The following INSYN2B variants were observed in gnomAD, a reference collection of about 807,000 sequenced individuals.
INSYN2B encodes the protein inhibitory synaptic factor family member 2B.
In INSYN2B, 16 loss-of-function variants were observed where a neutral mutation model predicts 41.2. That is an observed-to-expected ratio of 0.39 (90% confidence interval 0.26 to 0.59). INSYN2B has a LOEUF of 0.59. Among genes scored for constraint, INSYN2B ranks in the 20% least tolerant of loss-of-function variants. The pLI, the probability that INSYN2B is intolerant of heterozygous loss-of-function variation, is 0.57. For synonymous variants in INSYN2B, 245 were observed against 244.4 expected (o/e 1.00, Z -0.02); for missense variants, 608 against 646.4 (o/e 0.94, Z 0.64).
intron 1 of INSYN2B, among the ~76,000 whole-genome samples, chr5:169,905,293 G>GTTT (rs35677067): frequency 4.8e-5 from 7 of 146,202 alleles, no homozygotes; most frequent in South Asian, 4.3e-4. Context: ...TAGAGCCAGT[G>GTTT]TTTTTTTTTT....
chr5:169,894,243 A>T (rs1773462649), intron 1 of INSYN2B, among the ~76,000 whole-genome samples: 1 of 152,202 alleles, frequency 6.6e-6, no homozygotes, highest in Admixed American at 6.5e-5. Flanking sequence ...CCCAAGATGA[A>T]GGTGGTCTGG....
chr5:169,886,680 G>T (rs940249950), intron 1 of INSYN2B, among the ~76,000 whole-genome samples: 5 of 152,208 alleles, frequency 3.3e-5, no homozygotes, highest in Admixed American at 2.6e-4. Context: ...GTTGAAATTT[G>T]TGAGATGGTC....
chr5:169,883,255 T>G lies in INSYN2B; in HGVS notation c.644A>C (p.Glu215Ala). 1 of 1,551,628 alleles carries G rather than the reference T, an allele frequency of 6.4e-7. No individual in the cohort carries two copies. Among genetic ancestry groups the G allele is most frequent in the Non-Finnish European group, 8.7e-7 (1 of 1,146,968 alleles). ...PDDIYHSPSWEARESALSPDR... is the reference protein window; with the variant it reads ...PDDIYHSPSWAARESALSPDR... Reference sequence around the variant, plus strand: ...TGGGCTGAGAGCAGACTCTCTAGCTTCCCAGGAAGGACTGTGATAAATATC... The same window carrying G: ...TGGGCTGAGAGCAGACTCTCTAGCTGCCCAGGAAGGACTGTGATAAATATC... Residue 215 changes from glutamate (E) to alanine (A), a missense_variant, in exon 2 of 4, where the codon GAA (glutamate) becomes GCA (alanine). Glu to Ala is a moderately radical substitution (Grantham distance 107). Transcript: ENST00000377365.
intron 1 of INSYN2B, among the ~76,000 whole-genome samples, chr5:169,960,737 A>G (rs1478167713): frequency 2.0e-5 from 3 of 152,208 alleles, no homozygotes; most frequent in Admixed American, 1.3e-4. Context: ...ACTTGCAGTT[A>G]ATTGTGGTCC....
chr5:169,948,289 C>A (rs568601794), intron 1 of INSYN2B, among the ~76,000 whole-genome samples: 1 of 135,414 alleles, frequency 7.4e-6, no homozygotes, highest in Admixed American at 7.0e-5. Flanking sequence ...GGATTCAGAA[C>A]GTTTTTTAAA....
At chr5:169,890,171 C>T (rs976168272) in intron 1 of INSYN2B, among the ~76,000 whole-genome samples, 2 of 152,244 alleles carry the variant, frequency 1.3e-5, no homozygotes, top group Non-Finnish European at 2.9e-5. Flanking sequence ...GACCCCGACT[C>T]TTCCTCCATT....
intron 3 of INSYN2B, among the ~76,000 whole-genome samples, chr5:169,881,064 C>T (rs914009003): frequency 6.6e-6 from 1 of 152,074 alleles, no homozygotes; most frequent in African/African-American, 2.4e-5. Context: ...TCTGTGTGAG[C>T]GAGACCGAAT....
chr5:169,907,405 G>T (rs996967458), intron 1 of INSYN2B, among the ~76,000 whole-genome samples: 1 of 152,202 alleles, frequency 6.6e-6, no homozygotes, highest in Non-Finnish European at 1.5e-5. Context: ...TTTACTCTCT[G>T]CTGGGTTTAA....
chr5:169,936,260 C>A, intron 1 of INSYN2B, among the ~76,000 whole-genome samples: 1 of 152,164 alleles, frequency 6.6e-6, no homozygotes, highest in Non-Finnish European at 1.5e-5. Flanking sequence ...GTTCTACAGA[C>A]AAGATAATGT....
intron 1 of INSYN2B, among the ~76,000 whole-genome samples, chr5:169,934,349 G>C (rs1159660363): frequency 2.0e-5 from 3 of 152,142 alleles, no homozygotes; most frequent in East Asian, 1.9e-4. Flanking sequence ...GTTGTCCCCG[G>C]AGTGGATCAT....
At chr5:169,889,508 G>A (rs1401135919) in intron 1 of INSYN2B, among the ~76,000 whole-genome samples, 3 of 152,204 alleles carry the variant, frequency 2.0e-5, no homozygotes, top group East Asian at 3.8e-4. Context: ...GTTGTACAGG[G>A]TAGGGGAAGA....
At chr5:169,906,226 C>T (rs1419246087) in intron 1 of INSYN2B, among the ~76,000 whole-genome samples, 3 of 152,276 alleles carry the variant, frequency 2.0e-5, no homozygotes, top group East Asian at 1.9e-4. Context: ...TGACGTCAAA[C>T]GCAAGCTTTA....
intron 1 of INSYN2B, among the ~76,000 whole-genome samples, chr5:169,906,105 C>T (rs186139432): frequency 2.0e-5 from 3 of 152,294 alleles, no homozygotes; most frequent in Non-Finnish European, 2.9e-5. Flanking sequence ...AGTTACCAAA[C>T]GGTCCTGAGT....
intron 1 of INSYN2B, among the ~76,000 whole-genome samples, chr5:169,948,483 A>T (rs1169620044): frequency 6.6e-6 from 1 of 151,620 alleles, no homozygotes. Flanking sequence ...CTCTCTCTCT[A>T]TCTGTATATC....
At chr5:169,902,066 A>G (rs913972918) in intron 1 of INSYN2B, among the ~76,000 whole-genome samples, 2 of 152,230 alleles carry the variant, frequency 1.3e-5, no homozygotes, top group Non-Finnish European at 2.9e-5. Context: ...TGTGCCAAGG[A>G]AACCACAGAA....
At chr5:169,880,918 C>T (rs1044707100) in intron 3 of INSYN2B, among the ~76,000 whole-genome samples, 1 of 152,138 alleles carries the variant, frequency 6.6e-6, no homozygotes, top group Non-Finnish European at 1.5e-5. Flanking sequence ...CTTGACTGTG[C>T]CAAGTAAGGG....
intron 1 of INSYN2B, among the ~76,000 whole-genome samples, chr5:169,890,144 C>T (rs1394971845): frequency 2.0e-5 from 3 of 152,218 alleles, no homozygotes; most frequent in African/African-American, 7.2e-5. Flanking sequence ...TGCTGCCAGC[C>T]TCGGGGCTCT....
intron 1 of INSYN2B, among the ~76,000 whole-genome samples, chr5:169,964,752 G>A (rs1480260016): frequency 6.6e-6 from 1 of 152,248 alleles, no homozygotes; most frequent in African/African-American, 2.4e-5. Context: ...TTTCAGATGA[G>A]CTGCTTCTCC....
rs1167474409 is a variant in INSYN2B at position 169,930,889 on chromosome 5, A to G, written c.-918-46073T>C. Reference sequence around the variant, plus strand: ...CATTCACAACAAATTAGCCATACACATAAATACAATAAAGGATACCTGTCC... The same window carrying G: ...CATTCACAACAAATTAGCCATACACGTAAATACAATAAAGGATACCTGTCC... On this transcript the variant is annotated intron_variant, in intron 1 of 3. Coordinates refer to ENST00000377365, the MANE Select transcript of INSYN2B (RefSeq NM_001129891.3). Among the ~76,000 whole-genome samples the G allele has an allele frequency of 3.3e-5, 5 of 152,298 alleles. No individual in the cohort carries two copies. The East Asian group carries it at 9.6e-4, about 29-fold the overall frequency.
Sources: gnomAD v4.1 joint callset for allele counts (sites outside exome capture counted in the v4.1 genomes callset) on GRCh38, gnomAD v4.1.1 for gene constraint, MANE v1.5 for transcripts, NCBI Gene and HGNC (gene_info 2026-07-23, HGNC 2026-07-21) for gene names.